STPG4: variants seen among roughly 807,000 people sequenced by gnomAD.
The protein encoded by STPG4 is sperm-tail PG-rich repeat containing 4, also known as protein STPG4.
A neutral mutation model predicts 31.5 loss-of-function variants in STPG4; 41 were observed. The ratio of observed to expected loss-of-function variants is 1.30; its 90% CI spans 1.01 to 1.69. The LOEUF (loss-of-function observed/expected upper bound fraction) is 1.69. STPG4 is among the 40% of genes most tolerant of loss of function. STPG4 has a pLI of 0.00. For synonymous variants in STPG4, 141 were observed against 103.0 expected, an observed-to-expected ratio of 1.37 and a Z score of -2.24; for missense variants, 375 against 293.4, an observed-to-expected ratio of 1.28 and a Z score of -2.03.
intron 5 of STPG4, 119 bp from the exon 6 acceptor site, chr2:47,090,493 T>C (rs946178968): frequency 5.8e-6 from 4 of 688,494 alleles, no homozygotes; most frequent in Non-Finnish European, 9.8e-6. Flanking sequence ...AAATCCCATA[T>C]TTGGTCTCGA....
At chr2:47,095,027 C>G (rs1195540420) in intron 5 of STPG4, among the ~76,000 whole-genome samples, 1 of 152,202 alleles carries the variant, frequency 6.6e-6, no homozygotes, top group Admixed American at 6.5e-5. Context: ...AGCCAAATGC[C>G]AGATGCCTCC....
At chr2:47,110,204 G>T (rs1309771003) in intron 5 of STPG4, among the ~76,000 whole-genome samples, 1 of 152,222 alleles carries the variant, frequency 6.6e-6, no homozygotes, top group East Asian at 1.9e-4. Flanking sequence ...TTAAGTAGCA[G>T]AAAGTGGGAC....
chr2:47,144,449 G>C (rs1263066443), intron 3 of STPG4, among the ~76,000 whole-genome samples: 1 of 152,166 alleles, frequency 6.6e-6, no homozygotes, highest in African/African-American at 2.4e-5. Context: ...GGGAGGCTGA[G>C]GCAGGAGGAG....
intron 5 of STPG4, among the ~76,000 whole-genome samples, chr2:47,092,702 T>G (rs533249939): frequency 6.6e-6 from 1 of 151,784 alleles, no homozygotes; most frequent in Non-Finnish European, 1.5e-5. Context: ...AATAGGGACA[T>G]GTATCTGTAA....
At chr2:47,120,566 CA>C (rs61561895) in intron 5 of STPG4, among the ~76,000 whole-genome samples, 120,278 of 148,548 alleles carry the variant, frequency 0.81, 49,647 homozygotes, top group South Asian at 0.94. Context: ...GACTCCGTCT[CA>C]AAAAAAAAAA....
chr2:47,114,336 C>A (rs1196514600), intron 5 of STPG4, among the ~76,000 whole-genome samples: 2 of 151,918 alleles, frequency 1.3e-5, no homozygotes, highest in Non-Finnish European at 2.9e-5. Flanking sequence ...GAAATCCCAT[C>A]TCTACTGAAA....
At chr2:47,115,735 C>T (rs1686139242) in intron 5 of STPG4, among the ~76,000 whole-genome samples, 1 of 150,144 alleles carries the variant, frequency 6.7e-6, no homozygotes, top group African/African-American at 2.5e-5. Flanking sequence ...TCACTGCAAC[C>T]TCTGCCTCCT....
chr2:47,112,622 T>C (rs1477780988), intron 5 of STPG4, among the ~76,000 whole-genome samples: 3 of 152,340 alleles, frequency 2.0e-5, no homozygotes, highest in South Asian at 2.1e-4. Flanking sequence ...TGAATGTCTA[T>C]AGGTATCTAC....
At chr2:47,097,869 G>A (rs576411269) in intron 5 of STPG4, among the ~76,000 whole-genome samples, 46 of 151,330 alleles carry the variant, frequency 3.0e-4, no homozygotes, top group African/African-American at 1.0e-3. Flanking sequence ...TGTAATCCCA[G>A]CACTTTTGGA....
chr2:47,110,591 CACAA>C (rs1190803877), intron 5 of STPG4, among the ~76,000 whole-genome samples: 8 of 152,218 alleles, frequency 5.3e-5, no homozygotes, highest in African/African-American at 9.7e-5. Context: ...AAGACTCCAT[CACAA>C]ACAAACAAAA....
At chr2:47,117,358 C>T (rs1383177423) in intron 5 of STPG4, among the ~76,000 whole-genome samples, 2 of 152,134 alleles carry the variant, frequency 1.3e-5, no homozygotes, top group Non-Finnish European at 2.9e-5. Flanking sequence ...TAGAGGCATG[C>T]ACCACCACAC....
At chr2:47,107,173 T>A (rs1685929327) in intron 5 of STPG4, among the ~76,000 whole-genome samples, 1 of 152,074 alleles carries the variant, frequency 6.6e-6, no homozygotes, top group Non-Finnish European at 1.5e-5. Flanking sequence ...GGCTCCCACT[T>A]TGGCGGCACT....
chr2:47,155,148 C>A, intron 1 of STPG4, 23 bp downstream of exon 1: 1 of 1,611,938 alleles, frequency 6.2e-7, no homozygotes, highest in Non-Finnish European at 8.5e-7. Flanking sequence ...GGAGCCAGGC[C>A]GGCAAGGGGC....
rs749788601 is a variant in STPG4, at chr2:47,088,172, TG to T, written c.625-1043del. Among the ~76,000 whole-genome samples the T allele has an allele frequency of 2.0e-5, 3 of 152,036 alleles. No homozygotes were observed. The South Asian group carries it at 6.3e-4, about 32-fold the overall frequency. On this transcript the variant is annotated intron_variant, in intron 6 of 6. Transcript: ENST00000445927. ...TCAGCTCACTGCAACCTCCACCTCC[TG>T]GGCTTAAGCGATTCTCATGCCTCAG...
chr2:47,135,708 A>G (rs924364704), intron 3 of STPG4, among the ~76,000 whole-genome samples: 2 of 152,026 alleles, frequency 1.3e-5, no homozygotes, highest in East Asian at 1.9e-4. Flanking sequence ...GAATGTGGAT[A>G]TCCAGTTGTT....
At chr2:47,154,312 T>C (rs1226890151) in intron 1 of STPG4, among the ~76,000 whole-genome samples, 1 of 152,240 alleles carries the variant, frequency 6.6e-6, no homozygotes, top group Admixed American at 6.5e-5. Context: ...GAATCTTCTC[T>C]GTTGCACTTT....
intron 3 of STPG4, among the ~76,000 whole-genome samples, chr2:47,134,053 C>T (rs1686545605): frequency 6.6e-6 from 1 of 152,100 alleles, no homozygotes; most frequent in Admixed American, 6.5e-5. Flanking sequence ...TATACATATA[C>T]ATATACATAT....
intron 5 of STPG4, among the ~76,000 whole-genome samples, chr2:47,114,403 A>T (rs1686103979): frequency 6.6e-6 from 1 of 152,060 alleles, no homozygotes; most frequent in Non-Finnish European, 1.5e-5. Flanking sequence ...GCTACTCGGG[A>T]TGTTGAGGCA....
intron 3 of STPG4, among the ~76,000 whole-genome samples, chr2:47,148,062 G>A (rs891753391): frequency 4.0e-5 from 6 of 150,862 alleles, no homozygotes; most frequent in Non-Finnish European, 7.4e-5. Context: ...AGCAATTCTC[G>A]TGCCTCAGCC....
Sources: gnomAD v4.1 joint callset for allele counts (sites outside exome capture counted in the v4.1 genomes callset) on GRCh38, gnomAD v4.1.1 for gene constraint, MANE v1.5 for transcripts, NCBI Gene and HGNC (gene_info 2026-07-23, HGNC 2026-07-21) for gene names.